The following RNF150 variants were observed in gnomAD, a reference collection of about 807,000 sequenced individuals.
The protein encoded by RNF150 is ring finger protein 150.
A neutral mutation model predicts 39.3 loss-of-function variants in RNF150; 24 were observed. The observed-to-expected ratio is 0.61, with a 90% CI of 0.44 to 0.86. The LOEUF (loss-of-function observed/expected upper bound fraction) is 0.86, where lower values mean the gene tolerates loss of function less well. Among genes scored for constraint, RNF150 ranks in the 40% least tolerant of loss-of-function variants. RNF150 has a pLI of 0.00. For synonymous variants in RNF150, 255 were observed against 227.3 expected (o/e 1.12, Z -1.10); for missense variants, 502 against 587.8 (o/e 0.85, Z 1.51).
intron 1 of RNF150, among the ~76,000 whole-genome samples, chr4:141,124,415 A>C (rs1726699309): frequency 6.6e-6 from 1 of 152,232 alleles, no homozygotes; most frequent in South Asian, 2.1e-4. Context: ...AGATCACATT[A>C]GTAAAGAGAA....
chr4:141,147,003 C>G (rs1195068670), intron 1 of RNF150, among the ~76,000 whole-genome samples: 1 of 152,040 alleles, frequency 6.6e-6, no homozygotes, highest in Admixed American at 6.5e-5. Flanking sequence ...GCTCTGTCAC[C>G]CAGGCTGAAG....
chr4:140,868,704 G>A (rs938741911), intron 6 of RNF150, among the ~76,000 whole-genome samples: 9 of 152,168 alleles, frequency 5.9e-5, no homozygotes, highest in South Asian at 4.2e-4. Flanking sequence ...TTACATATGC[G>A]TAACATTTAA....
rs181835437 is a variant in RNF150 at position 140,861,120 on chromosome 4, C to T, written c.*7141G>A. The T allele has an allele frequency of 3.0e-4, 46 of 152,220 alleles. No homozygotes were observed. The highest frequency in any genetic ancestry group is 8.9e-4 in the African/African-American group (37 of 41,536). The allele number at this position is 152,220 out of a possible 1,614,324, so 9.4% of individuals were successfully genotyped here. ...CCATCTCAGATTACTAATGTGAAAG[C>T]AGGAAGTAAATATATTATGTACATG... On this transcript the variant is annotated 3_prime_UTR_variant, in exon 7 of 7. Coordinates refer to ENST00000515673, the MANE Select transcript of RNF150 (RefSeq NM_020724.2).
chr4:141,056,142 T>C (rs1560712952), intron 1 of RNF150, among the ~76,000 whole-genome samples: 1 of 152,240 alleles, frequency 6.6e-6, no homozygotes, highest in Non-Finnish European at 1.5e-5. Context: ...CTGTTATATA[T>C]GGTCCTTGAT....
chr4:140,988,645 C>A (rs1164482728), intron 1 of RNF150, among the ~76,000 whole-genome samples: 1 of 150,500 alleles, frequency 6.6e-6, no homozygotes, highest in African/African-American at 2.4e-5. Flanking sequence ...CCCTTCCCCC[C>A]ACCCCAAGTA....
intron 1 of RNF150, among the ~76,000 whole-genome samples, chr4:141,077,373 G>A (rs1446859472): frequency 6.6e-6 from 1 of 152,142 alleles, no homozygotes; most frequent in Non-Finnish European, 1.5e-5. Flanking sequence ...TTAAGTAGAA[G>A]AAGCCAGATG....
chr4:141,044,574 A>G (rs1736493203), intron 1 of RNF150, among the ~76,000 whole-genome samples: 1 of 152,224 alleles, frequency 6.6e-6, no homozygotes, highest in Admixed American at 6.5e-5. Flanking sequence ...TGAAAAAGAA[A>G]ATGGCAGGAA....
At chr4:141,182,019 T>A (rs1727916952) in intron 1 of RNF150, among the ~76,000 whole-genome samples, 1 of 152,156 alleles carries the variant, frequency 6.6e-6, no homozygotes, top group South Asian at 2.1e-4. Context: ...TTCCCAGGAT[T>A]TAGATGGACT....
chr4:141,012,253 C>G (rs1735099989), intron 1 of RNF150, among the ~76,000 whole-genome samples: 1 of 152,196 alleles, frequency 6.6e-6, no homozygotes, highest in Admixed American at 6.5e-5. Flanking sequence ...TCCTGCCCAT[C>G]CTGGGCAAGC....
chr4:141,057,264 T>C (rs967905285), intron 1 of RNF150, among the ~76,000 whole-genome samples: 16 of 151,892 alleles, frequency 1.1e-4, no homozygotes, highest in Non-Finnish European at 8.8e-5. Flanking sequence ...TATATTTATG[T>C]AATAGGTTAT....
At chr4:141,126,826 A>C (rs1028536911) in intron 1 of RNF150, among the ~76,000 whole-genome samples, 10 of 152,226 alleles carry the variant, frequency 6.6e-5, no homozygotes, top group African/African-American at 2.4e-4. Flanking sequence ...CTTGTACTTT[A>C]TAAATAAGAA....
chr4:141,078,946 T>C (rs1738044968), intron 1 of RNF150, among the ~76,000 whole-genome samples: 1 of 150,612 alleles, frequency 6.6e-6, no homozygotes, highest in Non-Finnish European at 1.5e-5. Flanking sequence ...CACACACATA[T>C]ATATACACAT....
chr4:141,078,412 T>G (rs914580231), intron 1 of RNF150, among the ~76,000 whole-genome samples: 3 of 152,118 alleles, frequency 2.0e-5, no homozygotes, highest in South Asian at 4.2e-4. Context: ...GGAAGGAAGA[T>G]TTCACTGTAT....
chr4:141,078,366 G>T (rs1737983283), intron 1 of RNF150, among the ~76,000 whole-genome samples: 1 of 152,170 alleles, frequency 6.6e-6, no homozygotes, highest in Non-Finnish European at 1.5e-5. Context: ...TGGGGGAGGA[G>T]TGGGGCTCCA....
intron 1 of RNF150, among the ~76,000 whole-genome samples, chr4:141,156,204 A>G (rs1727395045): frequency 6.6e-6 from 1 of 152,216 alleles, no homozygotes; most frequent in Admixed American, 6.5e-5. Flanking sequence ...CCATTTAGTC[A>G]GTTGGGGAGC....
intron 5 of RNF150, among the ~76,000 whole-genome samples, chr4:140,919,523 AATG>A (rs1165554086): frequency 6.6e-6 from 1 of 151,300 alleles, no homozygotes; most frequent in Non-Finnish European, 1.5e-5. Context: ...ACCACCCCTC[AATG>A]AAATAAAAGA....
At chr4:141,047,062 C>T (rs142565369) in intron 1 of RNF150, among the ~76,000 whole-genome samples, 1 of 152,074 alleles carries the variant, frequency 6.6e-6, no homozygotes, top group Non-Finnish European at 1.5e-5. Context: ...AAGCCAGGTA[C>T]CCCCTCAACT....
At chr4:141,091,667 G>A (rs1026790759) in intron 1 of RNF150, among the ~76,000 whole-genome samples, 3 of 152,144 alleles carry the variant, frequency 2.0e-5, no homozygotes, top group Non-Finnish European at 2.9e-5. Context: ...AGTAGGTGTA[G>A]GAATTAGACC....
chr4:141,039,197 T>G (rs750198451), intron 1 of RNF150, among the ~76,000 whole-genome samples: 7 of 152,176 alleles, frequency 4.6e-5, no homozygotes, highest in Non-Finnish European at 7.4e-5. Flanking sequence ...TACGAGCCTC[T>G]TTCATGAAAA....
Sources: gnomAD v4.1 joint callset for allele counts (sites outside exome capture counted in the v4.1 genomes callset) on GRCh38, gnomAD v4.1.1 for gene constraint, MANE v1.5 for transcripts, NCBI Gene and HGNC (gene_info 2026-07-23, HGNC 2026-07-21) for gene names.